The following KCNQ1 variants were observed in gnomAD, a reference collection of about 807,000 sequenced individuals.
KCNQ1 encodes potassium voltage-gated channel subfamily KQT member 1.
Under a neutral mutation model 72.4 loss-of-function variants are expected in KCNQ1, and 49 were observed. The ratio of observed to expected loss-of-function variants is 0.68; its 90% CI spans 0.54 to 0.86. KCNQ1 has a LOEUF of 0.86. Among genes scored for constraint, KCNQ1 ranks in the 40% least tolerant of loss-of-function variants. The pLI, the probability that KCNQ1 is intolerant of heterozygous loss-of-function variation, is 0.00. For synonymous variants in KCNQ1, 450 were observed against 412.6 expected (o/e 1.09, Z -1.10); for missense variants, 790 against 945.1 (o/e 0.84, Z 2.15).
chr11:2,660,356 G>A (rs1259409936), intron 10 of KCNQ1: 1 of 398,372 alleles, frequency 2.5e-6, no homozygotes, highest in Non-Finnish European at 4.4e-6. Flanking sequence ...ATTTAAGAGA[G>A]AATTGTATTA....
rs1204506771 is a variant in KCNQ1, at chr11:2,695,414, T to A, written c.1514+33333T>A. The A allele has an allele frequency of 2.5e-6, 1 of 398,582 alleles. No homozygotes were observed. The highest frequency in any genetic ancestry group is 4.4e-6 in the Non-Finnish European group (1 of 226,126). The allele number at this position is 398,582 out of a possible 1,614,324, so 24.7% of individuals were successfully genotyped here. Reference sequence around the variant, plus strand: ...ATTTTAATTTAAATACACAGTCATGTACTGAGGCCCTCTTTCTGTTTGGCA... The same window carrying A: ...ATTTTAATTTAAATACACAGTCATGAACTGAGGCCCTCTTTCTGTTTGGCA... On this transcript the variant is annotated intron_variant, in intron 11 of 15. Coordinates refer to ENST00000155840, the MANE Select transcript of KCNQ1 (RefSeq NM_000218.3). This position sits in a 1 kb window ranked among gnomAD's most constrained non-coding sequence, Gnocchi z 5.2.
chr11:2,655,835 A>T (rs1849837138), intron 10 of KCNQ1: 1 of 398,310 alleles, frequency 2.5e-6, no homozygotes, highest in African/African-American at 2.1e-5. Flanking sequence ...GCAGACAATA[A>T]CCTCTCCTCT....
At chr11:2,524,087 C>T (rs1257916707) in intron 1 of KCNQ1, among the ~76,000 whole-genome samples, 2 of 152,066 alleles carry the variant, frequency 1.3e-5, no homozygotes, top group Non-Finnish European at 2.9e-5. Flanking sequence ...GGGAGGTTGT[C>T]CTGGGTTACC....
intron 15 of KCNQ1, among the ~76,000 whole-genome samples, chr11:2,799,274 A>G (rs993776820): frequency 2.2e-4 from 33 of 152,204 alleles, no homozygotes; most frequent in Non-Finnish European, 4.6e-4. Flanking sequence ...GTGGCTGTCC[A>G]TCCATGGTGG....
At position 2,844,911 on chromosome 11, in the gene KCNQ1, G is replaced by A. The variant is rs377035169; in HGVS notation, c.1795-2856G>A. Among the ~76,000 whole-genome samples, 40 of 152,332 alleles carry A rather than the reference G, an allele frequency of 2.6e-4. No individual in the cohort carries two copies. The East Asian group carries it at 3.9e-3, about 15-fold the overall frequency. ...CAGTAAGCCACGCGGGGCAAACCTCGTTCCACACTACCAGTATGCGGGGCC... is the reference window on the plus strand; with the variant it reads ...CAGTAAGCCACGCGGGGCAAACCTCATTCCACACTACCAGTATGCGGGGCC... On this transcript the variant is annotated intron_variant, in intron 15 of 15. Coordinates refer to ENST00000155840, the MANE Select transcript of KCNQ1 (RefSeq NM_000218.3).
chr11:2,738,389 G>T (rs1043931648), intron 11 of KCNQ1, among the ~76,000 whole-genome samples: 1 of 152,200 alleles, frequency 6.6e-6, no homozygotes, highest in African/African-American at 2.4e-5. Flanking sequence ...AGAGGCAGAA[G>T]ATCCTTCTTC....
rs550307012 is a variant in KCNQ1, at chr11:2,493,680, G to A, written c.387-34248G>A. 9.7e-4 allele frequency among the ~76,000 whole-genome samples: 148 copies of A among 152,170 alleles called. No individual in the cohort carries two copies. Among genetic ancestry groups the A allele is most frequent in the African/African-American group, 3.5e-3 (145 of 41,500 alleles). ...TTTAGGTGAGTGGTGTTATTTCTGA[G>A]GTCTCTGTTCTGTTCCATTGGTTTA... is the stretch of plus-strand genomic sequence containing the variant. On this transcript the variant is annotated intron_variant, in intron 1 of 15. Transcript: ENST00000155840. The surrounding 1 kb of genome is among the most constrained non-coding windows in gnomAD (Gnocchi z 5.3).
Position 2,691,061 on chromosome 11 carries a change from T to C in KCNQ1, c.1514+28980T>C, listed in dbSNP as rs1850579928. The C allele has an allele frequency of 5.0e-6, 2 of 398,528 alleles. No homozygotes were observed. The allele number at this position is 398,528 out of a possible 1,614,324, so 24.7% of individuals were successfully genotyped here. On this transcript the variant is annotated intron_variant, in intron 11 of 15. Transcript: ENST00000155840. This position sits in a 1 kb window ranked among gnomAD's most constrained non-coding sequence, Gnocchi z 6.4. ...AGGATATGCTGGGTGAGGGAAATAA[T>C]GGAGGCACCTTTGTTCTAGATGCCT... is the stretch of plus-strand genomic sequence containing the variant.
chr11:2,525,474 G>C (rs1847482818), intron 1 of KCNQ1, among the ~76,000 whole-genome samples: 1 of 152,260 alleles, frequency 6.6e-6, no homozygotes, highest in Non-Finnish European at 1.5e-5. Flanking sequence ...GGAGCACCCA[G>C]AGGGAGCCTG....
rs767672299 is a variant in KCNQ1 at position 2,613,266 on chromosome 11, C to T, written c.1393+24412C>T. 3.0e-4 allele frequency: 118 copies of T among 398,432 alleles called. No individual in the cohort carries two copies. Among genetic ancestry groups the T allele is most frequent in the Non-Finnish European group, 4.6e-4 (105 of 226,056 alleles). The allele number at this position is 398,432 out of a possible 1,614,324, so 24.7% of individuals were successfully genotyped here. ...GATAAGTAGATAGCAGGAAACCTCT[C>T]TGATCTCTCCTGCAAGCATGTACAA... On this transcript the variant is annotated intron_variant, in intron 10 of 15. Transcript: ENST00000155840. This position sits in a 1 kb window ranked among gnomAD's most constrained non-coding sequence, Gnocchi z 4.8.
In KCNQ1 at chr11:2,567,897, G is replaced by T. The variant is rs1394111484; in HGVS notation, c.478-2731G>T. Reference sequence around the variant, plus strand: ...TTAATAGTTACTTATCTATTTCAGGGTATAACATAAGACACACCTATCATT... The same window carrying T: ...TTAATAGTTACTTATCTATTTCAGGTTATAACATAAGACACACCTATCATT... On this transcript the variant is annotated intron_variant, in intron 2 of 15. Transcript: ENST00000155840. The surrounding 1 kb of genome is among the most constrained non-coding windows in gnomAD (Gnocchi z 6.6). Among the ~76,000 whole-genome samples, 1 of 152,188 alleles carries T rather than the reference G, an allele frequency of 6.6e-6. No homozygotes were observed. The highest frequency in any genetic ancestry group is 1.9e-4 in the East Asian group (1 of 5,194).
At chr11:2,775,660 C>G (rs1024202788) in intron 12 of KCNQ1, among the ~76,000 whole-genome samples, 2 of 152,120 alleles carry the variant, frequency 1.3e-5, no homozygotes, top group Non-Finnish European at 2.9e-5. Flanking sequence ...GAACTGGTAG[C>G]CTGGGGTGGT....
In KCNQ1 at chr11:2,664,114, T is replaced by C; in HGVS notation, c.1514+2033T>C. The C allele has an allele frequency of 2.5e-6, 1 of 398,590 alleles. No homozygotes were observed. The highest frequency in any genetic ancestry group is 4.4e-5 in the Admixed American group (1 of 22,724). 24.7% of individuals were successfully genotyped at this position (398,590 alleles called of 1,614,324 possible). ...AGACTCCAGTCATTACCCAACCAGG[T>C]CCCTGCCCTGTAACTTACCAAGGCC... is the stretch of plus-strand genomic sequence containing the variant. On this transcript the variant is annotated intron_variant, in intron 11 of 15. Transcript: ENST00000155840. The surrounding 1 kb of genome is among the most constrained non-coding windows in gnomAD (Gnocchi z 5.1).
intron 1 of KCNQ1, among the ~76,000 whole-genome samples, chr11:2,505,625 T>C (rs1847091561): frequency 6.6e-6 from 1 of 152,238 alleles, no homozygotes; most frequent in Non-Finnish European, 1.5e-5. Flanking sequence ...AAATTTTTCC[T>C]TTGTGTCTTT....
At chr11:2,804,989 A>G (rs1260777371) in intron 15 of KCNQ1, among the ~76,000 whole-genome samples, 4 of 152,256 alleles carry the variant, frequency 2.6e-5, no homozygotes, top group Non-Finnish European at 5.9e-5. Flanking sequence ...GGGACGGCAG[A>G]GTTCCACAGG....
rs1849908923 is a variant in KCNQ1 at position 2,659,285 on chromosome 11, A to C, written c.1394-2676A>C. ...AAGTACTTCTCCCCTAACCACTGGC[A>C]GCTATTGATCTGTTTTATGTCCCTG... On this transcript the variant is annotated intron_variant, in intron 10 of 15. Transcript: ENST00000155840. This position sits in a 1 kb window ranked among gnomAD's most constrained non-coding sequence, Gnocchi z 4.3. 1 of 398,514 alleles carries C rather than the reference A, an allele frequency of 2.5e-6. No homozygotes were observed. The highest frequency in any genetic ancestry group is 1.3e-4 in the South Asian group (1 of 7,866). The allele number at this position is 398,514 out of a possible 1,614,324, so 24.7% of individuals were successfully genotyped here. A position where few individuals can be genotyped will look rare whatever the true frequency, so the allele number is the denominator to read the frequency against.
Position 2,621,846 on chromosome 11 carries a change from T to C in KCNQ1, c.1393+32992T>C. On this transcript the variant is annotated intron_variant, in intron 10 of 15. Coordinates refer to ENST00000155840, the MANE Select transcript of KCNQ1 (RefSeq NM_000218.3). The surrounding 1 kb of genome is among the most constrained non-coding windows in gnomAD (Gnocchi z 5.7). ...TTGAAGTCTTAGTTTTACTGACTTT[T>C]TTCCCCTATGGTTTTTCTTTCTAAC... is the stretch of plus-strand genomic sequence containing the variant. 2.5e-6 allele frequency: 1 copy of C among 398,388 alleles called. No homozygotes were observed. Among genetic ancestry groups the C allele is most frequent in the Non-Finnish European group, 4.4e-6 (1 of 225,952 alleles). The allele number at this position is 398,388 out of a possible 1,614,324, so 24.7% of individuals were successfully genotyped here. A position where few individuals can be genotyped will look rare whatever the true frequency, so the allele number is the denominator to read the frequency against.
chr11:2,673,260 A>G lies in KCNQ1; in HGVS notation c.1514+11179A>G, dbSNP rs1410255802. The stretch of plus-strand genomic sequence containing the variant: ...TGGGGACTGGGTGATGCAGACTGCA[A>G]AGCCTCAGCCACCTTCTCCCCTAGA... On this transcript the variant is annotated intron_variant, in intron 11 of 15. Coordinates refer to ENST00000155840, the MANE Select transcript of KCNQ1 (RefSeq NM_000218.3). This position sits in a 1 kb window ranked among gnomAD's most constrained non-coding sequence, Gnocchi z 4.5. 2.5e-6 allele frequency: 1 copy of G among 398,590 alleles called. No individual in the cohort carries two copies. Among genetic ancestry groups the G allele is most frequent in the East Asian group, 3.6e-5 (1 of 28,090 alleles). The allele number at this position is 398,590 out of a possible 1,614,324, so 24.7% of individuals were successfully genotyped here.
intron 10 of KCNQ1, chr11:2,641,159 T>A (rs1029897913): frequency 2.5e-6 from 1 of 398,562 alleles, no homozygotes; most frequent in Non-Finnish European, 4.4e-6. Context: ...AGTATACTGA[T>A]ATCTTTTCCT....
Sources: allele counts gnomAD v4.1 joint callset (sites outside exome capture counted in the v4.1 genomes callset), GRCh38; gene constraint gnomAD v4.1.1; non-coding constraint Gnocchi (gnomAD v3.1); transcripts MANE v1.5; gene names NCBI Gene and HGNC (gene_info 2026-07-23, HGNC 2026-07-21).